LRRN4: variants seen among roughly 807,000 people sequenced by gnomAD.
LRRN4 encodes leucine rich repeat neuronal 4, also known as leucine-rich repeat neuronal protein 4.
Under a neutral mutation model 22.3 loss-of-function variants are expected in LRRN4, and 26 were observed. The observed-to-expected ratio is 1.16, with a 90% CI of 0.85 to 1.62. The LOEUF is 1.62. LRRN4 is among the 40% of genes most tolerant of loss of function. The pLI is 0.00. For synonymous variants in LRRN4, 496 were observed against 486.2 expected, an observed-to-expected ratio of 1.02 and a Z score of -0.26; for missense variants, 1,070 against 1,008.5, an observed-to-expected ratio of 1.06 and a Z score of -0.83.
intron 2 of LRRN4, among the ~76,000 whole-genome samples, chr20:6,051,220 T>G (rs1374780807): frequency 6.6e-6 from 1 of 152,208 alleles, no homozygotes; most frequent in Admixed American, 6.5e-5. Flanking sequence ...GAGAGGGGAT[T>G]GATTGGCCCA....
In LRRN4 at chr20:6,045,907, G is replaced by C. The variant is rs1981090608; in HGVS notation, c.861-1227C>G. 1.3e-5 allele frequency among the ~76,000 whole-genome samples: 2 copies of C among 148,912 alleles called. 1 individual carries two copies. Among genetic ancestry groups the C allele is most frequent in the East Asian group, 3.9e-4 (2 of 5,080 alleles). On this transcript the variant is annotated intron_variant, in intron 3 of 4. Coordinates refer to ENST00000378858, the MANE Select transcript of LRRN4 (RefSeq NM_152611.5). ...CAATAGCAGGAGAGGGCAGGCCCCAGTGCTCAATTGCTTTCTAGTTTCTGC... is the reference window on the plus strand; with the variant it reads ...CAATAGCAGGAGAGGGCAGGCCCCACTGCTCAATTGCTTTCTAGTTTCTGC...
chr20:6,042,245 C>G lies in LRRN4; in HGVS notation c.1000G>C (p.Ala334Pro). The G allele has an allele frequency of 6.2e-7, 1 of 1,604,800 alleles. No homozygotes were observed. The highest frequency in any genetic ancestry group is 8.5e-7 in the Non-Finnish European group (1 of 1,175,324). ...TDAKRTVLSRAADTMCAPAAG... is the reference protein window; with the variant it reads ...TDAKRTVLSRPADTMCAPAAG... Reference sequence around the variant, plus strand: ...GCTGGCGCGCACATAGTGTCTGCTGCCCTGGAGGGGAGGCCAACCAGTTAG... The same window carrying G: ...GCTGGCGCGCACATAGTGTCTGCTGGCCTGGAGGGGAGGCCAACCAGTTAG... Residue 334 changes from alanine (A) to proline (P), a missense_variant and splice_region_variant, in exon 5 of 5, where the codon GCA becomes CCA. By Grantham distance (27) the Ala-to-Pro change is conservative. Coordinates refer to ENST00000378858, the MANE Select transcript of LRRN4 (RefSeq NM_152611.5).
intron 2 of LRRN4, among the ~76,000 whole-genome samples, chr20:6,051,306 C>G (rs903085363): frequency 6.6e-6 from 1 of 152,202 alleles, no homozygotes; most frequent in Non-Finnish European, 1.5e-5. Context: ...GCTGCTCCAC[C>G]TTCTCATTAA....
chr20:6,049,424 A>T (rs963410687), intron 3 of LRRN4, among the ~76,000 whole-genome samples: 1 of 152,150 alleles, frequency 6.6e-6, no homozygotes, highest in Non-Finnish European at 1.5e-5. Flanking sequence ...ATGACCATCA[A>T]TATCATTATC....
Position 6,041,814 on chromosome 20 carries a change from TG to T in LRRN4, c.1430del (p.Pro477HisfsTer18), listed in dbSNP as rs1302736923. 6.2e-7 allele frequency: 1 copy of T among 1,613,612 alleles called. No homozygotes were observed. Among genetic ancestry groups the T allele is most frequent in the Admixed American group, 1.7e-5 (1 of 59,966 alleles). On this transcript the variant is annotated frameshift_variant, in exon 5 of 5. Transcript: ENST00000378858. LOFTEE classifies it low-confidence loss of function (END_TRUNC). This position sits in a 1 kb window ranked among gnomAD's most constrained non-coding sequence, Gnocchi z 9.4. ...LEPDISAAST[P>X]LASKLLGPFP... ...AGGGGCCCAGGAGCTTGCTGGCCAG[TG>T]GGGTGGAGGCAGCTGAGATATCAGG... is the stretch of plus-strand genomic sequence containing the variant.
Position 6,040,839 on chromosome 20 carries a change from A to G in LRRN4, c.*183T>C, listed in dbSNP as rs930540270. 2.6e-6 allele frequency: 2 copies of G among 760,774 alleles called. No individual in the cohort carries two copies. The highest frequency in any genetic ancestry group is 4.1e-6 in the Non-Finnish European group (2 of 484,690). The allele number at this position is 760,774 out of a possible 1,614,324, so 47.1% of individuals were successfully genotyped here. On this transcript the variant is annotated 3_prime_UTR_variant, in exon 5 of 5. Transcript: ENST00000378858. The stretch of plus-strand genomic sequence containing the variant: ...TCTGGGAACAGAGTTAAGTAGAAGG[A>G]AGGGAGGGCAGCAGTTCCTTGGACC...
At position 6,041,897 on chromosome 20, in the gene LRRN4, CA is replaced by C; in HGVS notation, c.1347del (p.Ala450ProfsTer45). On this transcript the variant is annotated frameshift_variant, in exon 5 of 5. Coordinates refer to ENST00000378858, the MANE Select transcript of LRRN4 (RefSeq NM_152611.5). LOFTEE classifies it low-confidence loss of function (END_TRUNC). This position sits in a 1 kb window ranked among gnomAD's most constrained non-coding sequence, Gnocchi z 9.4. ...CGGTGCTGGGTCCTGGTGGTGCTGG[CA>C]GCCCTGGGGAAAACGCTGGAGTTGC... Reference protein sequence around the residue: ...GHSNSSVFPRAASTTRTQHRG... With the variant: ...GHSNSSVFPRXASTTRTQHRG... 6.2e-7 allele frequency: 1 copy of C among 1,614,134 alleles called. No homozygotes were observed. The highest frequency in any genetic ancestry group is 8.5e-7 in the Non-Finnish European group (1 of 1,180,008).
rs1175279106 is a variant in LRRN4 at position 6,052,309 on chromosome 20, C to T, written c.491G>A (p.Arg164Gln). 3 of 1,527,954 alleles carry T rather than the reference C, an allele frequency of 2.0e-6. No individual in the cohort carries two copies. Among genetic ancestry groups the T allele is most frequent in the East Asian group, 2.6e-5 (1 of 39,048 alleles). The allele number at this position is 1,527,954 out of a possible 1,614,324, so 94.6% of individuals were successfully genotyped here. A position where few individuals can be genotyped will look rare whatever the true frequency, so the allele number is the denominator to read the frequency against. ...AGNPLRALQP[R>Q]AFACFPALQL... Reference sequence around the variant, plus strand: ...CAGCGCGGGGAAGCAGGCGAAGGCCCGGGGCTGCAGCGCCCGCAGCGGATT... The same window carrying T: ...CAGCGCGGGGAAGCAGGCGAAGGCCTGGGGCTGCAGCGCCCGCAGCGGATT... Residue 164 changes from arginine to glutamine, a missense_variant, in exon 2 of 5, where the codon CGG becomes CAG. Arg to Gln is a conservative substitution (Grantham distance 43). Coordinates refer to ENST00000378858, the MANE Select transcript of LRRN4 (RefSeq NM_152611.5).
intron 3 of LRRN4, among the ~76,000 whole-genome samples, chr20:6,047,980 G>A (rs1029307420): frequency 1.3e-5 from 2 of 152,116 alleles, no homozygotes; most frequent in African/African-American, 4.8e-5. Flanking sequence ...AAAGGGAAGG[G>A]GGCTGGCACA....
chr20:6,041,342 G>A lies in LRRN4; in HGVS notation c.1903C>T (p.Gln635Ter), dbSNP rs1287178779. The change falls in exon 5 of 5, where the codon CAG becomes TAG. Residue 635 changes from glutamine (Q) to a stop codon, truncating the protein, a stop_gained. Transcript: ENST00000378858. LOFTEE classifies it low-confidence loss of function (END_TRUNC). This position sits in a 1 kb window ranked among gnomAD's most constrained non-coding sequence, Gnocchi z 9.4. ...VVGVIYATAR[Q>*]HPLYGLSPGT... ...GGCGACAGCCCGTACAGAGGGTGCT[G>A]CCGGGCCGTGGCGTAGATGACCCCC... The A allele has an allele frequency of 6.3e-7, 1 of 1,597,338 alleles. No individual in the cohort carries two copies. Among genetic ancestry groups the A allele is most frequent in the Non-Finnish European group, 8.5e-7 (1 of 1,175,266 alleles).
chr20:6,045,507 A>G (rs1981081366), intron 3 of LRRN4, among the ~76,000 whole-genome samples: 1 of 148,746 alleles, frequency 6.7e-6, no homozygotes, highest in Admixed American at 6.7e-5. Flanking sequence ...GCATGATGAT[A>G]AAAGTGTTTG....
intron 3 of LRRN4, among the ~76,000 whole-genome samples, chr20:6,049,523 A>G (rs6085366): frequency 0.33 from 50,511 of 151,884 alleles, 9,843 homozygotes; most frequent in East Asian, 0.5. Flanking sequence ...ATTTTGAGAC[A>G]GAGTTTCATT....
In LRRN4 at chr20:6,052,457, G is replaced by T. The variant is rs754323472; in HGVS notation, c.343C>A (p.Arg115Ser). 6.4e-7 allele frequency: 1 copy of T among 1,558,238 alleles called. No homozygotes were observed. Among genetic ancestry groups the T allele is most frequent in the Non-Finnish European group, 8.6e-7 (1 of 1,160,840 alleles). Residue 115 changes from arginine (R) to serine (S), a missense_variant, in exon 2 of 5, where the codon CGC (arginine) becomes AGC (serine). Arg to Ser is a moderately radical substitution (Grantham distance 110). Coordinates refer to ENST00000378858, the MANE Select transcript of LRRN4 (RefSeq NM_152611.5). ...CCCGCCGGCCCACCCGGGCCCCAGC[G>T]CAGCGCGGCGATGCGGTTGTGGCGC... ...TLRHNRIAAL[R>S]WGPGGPAGLH...
intron 3 of LRRN4, among the ~76,000 whole-genome samples, chr20:6,047,110 CT>C (rs1274030577): frequency 6.6e-6 from 1 of 152,048 alleles, no homozygotes; most frequent in East Asian, 1.9e-4. Context: ...GTACAATTCG[CT>C]TTGGTGGTTC....
intron 3 of LRRN4, among the ~76,000 whole-genome samples, chr20:6,050,577 G>A (rs1324961304): frequency 6.6e-6 from 1 of 152,236 alleles, no homozygotes; most frequent in Non-Finnish European, 1.5e-5. Context: ...GAACTGGACT[G>A]AGTTGCAAGG....
intron 3 of LRRN4, among the ~76,000 whole-genome samples, chr20:6,047,327 C>T (rs189358158): frequency 2.8e-4 from 43 of 152,054 alleles, no homozygotes; most frequent in African/African-American, 1.0e-3. Context: ...ATGTCACTTT[C>T]CAGTAGTTCC....
rs571645310 is a variant in LRRN4, at chr20:6,041,931, T to G, written c.1314A>C (p.Ala438=). Residue 438 remains alanine, a synonymous_variant, in exon 5 of 5, where the codon GCA becomes GCC. Coordinates refer to ENST00000378858, the MANE Select transcript of LRRN4 (RefSeq NM_152611.5). The surrounding 1 kb of genome is among the most constrained non-coding windows in gnomAD (Gnocchi z 9.4). The part of the protein sequence containing the change: ...GTAPSTTNSV[A]GHSNSSVFPR... The stretch of plus-strand genomic sequence containing the variant: ...GGAAAACGCTGGAGTTGCTGTGACC[T>G]GCTACAGAGTTGGTCGTGGAGGGGG... 71 of 1,614,148 alleles carry G rather than the reference T, an allele frequency of 4.4e-5. No individual in the cohort carries two copies. The highest frequency in any genetic ancestry group is 1.3e-4 in the East Asian group (6 of 44,864).
At chr20:6,047,515 G>A (rs6085361) in intron 3 of LRRN4, among the ~76,000 whole-genome samples, 14,764 of 150,768 alleles carry the variant, frequency 0.098, 874 homozygotes, top group Middle Eastern at 0.21. Flanking sequence ...GGCTGGGAGC[G>A]GTGGCTCACA....
Position 6,041,588 on chromosome 20 carries a change from T to C in LRRN4, c.1657A>G (p.Lys553Glu), listed in dbSNP as rs925036982. The C allele has an allele frequency of 1.0e-5, 16 of 1,566,820 alleles. No homozygotes were observed. The highest frequency in any genetic ancestry group is 1.4e-5 in the Non-Finnish European group (16 of 1,154,076). ...QDVPCDYHPC[K>E]HLQTPCAELQ... ...TCCGCGCACGGGGTCTGCAGGTGCTTGCAGGGATGGTAATCACAGGGGACG... is the reference window on the plus strand; with the variant it reads ...TCCGCGCACGGGGTCTGCAGGTGCTCGCAGGGATGGTAATCACAGGGGACG... Residue 553 changes from lysine (K) to glutamate (E), a missense_variant, in exon 5 of 5, where the codon AAG (lysine) becomes GAG (glutamate). Transcript: ENST00000378858. This position sits in a 1 kb window ranked among gnomAD's most constrained non-coding sequence, Gnocchi z 9.4.
Sources: allele counts gnomAD v4.1 joint callset (sites outside exome capture counted in the v4.1 genomes callset), GRCh38; gene constraint gnomAD v4.1.1; non-coding constraint Gnocchi (gnomAD v3.1); transcripts MANE v1.5; gene names NCBI Gene and HGNC (gene_info 2026-07-23, HGNC 2026-07-21).